The following KLF12 variants were observed in gnomAD, a reference collection of about 807,000 sequenced individuals.
KLF12 encodes Krueppel-like factor 12.
KLF12 carries 9 observed loss-of-function variants against 37.8 expected under a neutral mutation model. That is an observed-to-expected ratio of 0.24 (90% CI 0.14 to 0.42). The LOEUF (loss-of-function observed/expected upper bound fraction) is 0.42, where lower values mean the gene tolerates loss of function less well. Ranked by LOEUF, KLF12 falls within the 10% of genes least tolerant of loss-of-function variation. The pLI, the probability that KLF12 is intolerant of heterozygous loss-of-function variation, is 1.00. For synonymous variants in KLF12, 208 were observed against 202.1 expected, an observed-to-expected ratio of 1.03 and a Z score of -0.25; for missense variants, 411 against 516.0, an observed-to-expected ratio of 0.80 and a Z score of 1.97.
At chr13:73,712,869 GC>G (rs1483000612) in intron 7 of KLF12, among the ~76,000 whole-genome samples, 4 of 152,290 alleles carry the variant, frequency 2.6e-5, no homozygotes, top group Admixed American at 2.6e-4. Context: ...TTTAGACAAT[GC>G]TATTGCACAC....
At chr13:73,998,683 G>A (rs1220203737) in intron 1 of KLF12, among the ~76,000 whole-genome samples, 2 of 152,208 alleles carry the variant, frequency 1.3e-5, no homozygotes, top group Non-Finnish European at 2.9e-5. Flanking sequence ...AGTCTGTGAT[G>A]TTATGTAACA....
chr13:74,151,094 A>G, the KLF12 span, among the ~76,000 whole-genome samples: 1 of 152,258 alleles, frequency 6.6e-6, no homozygotes, highest in Non-Finnish European at 1.5e-5. Flanking sequence ...AACATAGGCA[A>G]TAAGTTTTTT....
At chr13:73,775,679 T>C (rs1240457469) in intron 5 of KLF12, among the ~76,000 whole-genome samples, 2 of 152,224 alleles carry the variant, frequency 1.3e-5, no homozygotes, top group African/African-American at 4.8e-5. Flanking sequence ...GACATTCTGA[T>C]TGGTAGTTAT....
At chr13:74,209,001 C>T in the KLF12 span, among the ~76,000 whole-genome samples, 1 of 151,976 alleles carries the variant, frequency 6.6e-6, no homozygotes, top group Non-Finnish European at 1.5e-5. Context: ...GATAAAAGAT[C>T]TTATCTCAAT....
chr13:73,896,427 T>A (rs1254691616), intron 3 of KLF12, among the ~76,000 whole-genome samples: 1 of 152,150 alleles, frequency 6.6e-6, no homozygotes, highest in Non-Finnish European at 1.5e-5. Context: ...TGCCAAGCAA[T>A]ACGCATTCTG....
intron 3 of KLF12, among the ~76,000 whole-genome samples, chr13:73,930,996 A>G (rs1410865650): frequency 6.7e-6 from 1 of 150,014 alleles, no homozygotes; most frequent in Non-Finnish European, 1.5e-5. Flanking sequence ...AGCTAGGATT[A>G]CAGGCATGTG....
chr13:74,181,654 G>A, the KLF12 span, among the ~76,000 whole-genome samples: 6 of 146,600 alleles, frequency 4.1e-5, no homozygotes, highest in East Asian at 6.1e-4. Context: ...AGCCAAGATC[G>A]CACCACTGCA....
chr13:74,231,519 C>T, the KLF12 span: 7 of 152,216 alleles, frequency 4.6e-5, no homozygotes, highest in African/African-American at 1.7e-4. Context: ...TTGAACCCAA[C>T]CTTCTCCCTC....
intron 2 of KLF12, among the ~76,000 whole-genome samples, chr13:73,948,259 T>A (rs1445205111): frequency 6.6e-6 from 1 of 152,066 alleles, no homozygotes; most frequent in Non-Finnish European, 1.5e-5. Flanking sequence ...TCCCACTCTA[T>A]CACCCAGGCT....
At chr13:73,881,361 G>GT (rs1489446257) in intron 3 of KLF12, among the ~76,000 whole-genome samples, 5 of 151,966 alleles carry the variant, frequency 3.3e-5, no homozygotes, top group Non-Finnish European at 7.4e-5. Context: ...AGCAAGGTAT[G>GT]TTTTTTCTTG....
At chr13:73,838,991 G>A (rs1264282497) in intron 4 of KLF12, among the ~76,000 whole-genome samples, 1 of 152,082 alleles carries the variant, frequency 6.6e-6, no homozygotes, top group Non-Finnish European at 1.5e-5. Context: ...CTCACTCCCA[G>A]GCATCAAGGT....
At chr13:74,099,814 C>A in intron 1 of KLF12, among the ~76,000 whole-genome samples, 1 of 134,844 alleles carries the variant, frequency 7.4e-6, no homozygotes, top group South Asian at 2.7e-4. Flanking sequence ...TGCTTCAACA[C>A]AGGATAAACA....
chr13:74,005,345 T>C (rs1892383471), intron 1 of KLF12, among the ~76,000 whole-genome samples: 1 of 152,222 alleles, frequency 6.6e-6, no homozygotes, highest in Non-Finnish European at 1.5e-5. Context: ...TATAATCATA[T>C]GTACTAATTC....
intron 7 of KLF12, 78 bp downstream of exon 7, chr13:73,715,289 CG>C (rs1430609105): frequency 4.1e-5 from 54 of 1,309,144 alleles, no homozygotes; most frequent in Non-Finnish European, 5.8e-5. Context: ...TGAATGAGTA[CG>C]AAAGGCTCCC....
chr13:73,796,218 A>G (rs1411246810), intron 5 of KLF12, among the ~76,000 whole-genome samples: 8 of 151,958 alleles, frequency 5.3e-5, no homozygotes, highest in Non-Finnish European at 1.5e-5. Context: ...TATTTTTCTC[A>G]TCTCCCTTAC....
intron 6 of KLF12, among the ~76,000 whole-genome samples, chr13:73,734,170 C>G (rs1475105344): frequency 6.6e-6 from 1 of 152,150 alleles, no homozygotes; most frequent in Admixed American, 6.5e-5. Flanking sequence ...AATGTCACTT[C>G]TTCAGACATG....
At chr13:73,932,710 T>C (rs981116683) in intron 3 of KLF12, among the ~76,000 whole-genome samples, 3 of 152,250 alleles carry the variant, frequency 2.0e-5, no homozygotes, top group East Asian at 1.9e-4. Flanking sequence ...AACAAACATA[T>C]CTTATGTAGT....
At chr13:73,869,114 T>C (rs189753131) in intron 3 of KLF12, among the ~76,000 whole-genome samples, 11 of 152,268 alleles carry the variant, frequency 7.2e-5, no homozygotes, top group Non-Finnish European at 1.0e-4. Flanking sequence ...CATCTCTCCA[T>C]GTGTTATACA....
chr13:73,830,726 G>A (rs1000871658), intron 4 of KLF12, among the ~76,000 whole-genome samples: 19 of 152,062 alleles, frequency 1.2e-4, no homozygotes, highest in Non-Finnish European at 1.5e-4. Context: ...TAGAACAGGC[G>A]TGTCTGTGTT....
Sources: allele counts gnomAD v4.1 joint callset (sites outside exome capture counted in the v4.1 genomes callset), GRCh38; gene constraint gnomAD v4.1.1; transcripts MANE v1.5; gene names NCBI Gene and HGNC (gene_info 2026-07-23, HGNC 2026-07-21).